Variants in CA10 observed in about 807,000 individuals in gnomAD.
The protein encoded by CA10 is carbonic anhydrase 10 (inactive).
A neutral mutation model predicts 44.2 loss-of-function variants in CA10; 14 were observed. The observed-to-expected ratio is 0.32, with a 90% CI of 0.21 to 0.50. CA10 has a LOEUF of 0.50. Among genes scored for constraint, CA10 ranks in the 20% least tolerant of loss-of-function variants. The pLI is 0.99. For missense variants in CA10, 350 were observed against 409.7 expected (o/e 0.85, Z 1.26); for synonymous variants, 159 against 141.6 (o/e 1.12, Z -0.87).
chr17:52,155,769 A>G (rs1198570910), intron 1 of CA10, among the ~76,000 whole-genome samples: 1 of 152,252 alleles, frequency 6.6e-6, no homozygotes, highest in Non-Finnish European at 1.5e-5. Flanking sequence ...AATTTTGCTT[A>G]CACTTTTATC....
chr17:52,030,926 A>C (rs1986446751), intron 2 of CA10, among the ~76,000 whole-genome samples: 1 of 152,024 alleles, frequency 6.6e-6, no homozygotes, highest in Admixed American at 6.6e-5. Flanking sequence ...TCAGTCTTGG[A>C]CTGAGCCACA....
chr17:51,659,221 C>G (rs1476293271), intron 4 of CA10, among the ~76,000 whole-genome samples: 1 of 152,170 alleles, frequency 6.6e-6, no homozygotes, highest in Non-Finnish European at 1.5e-5. Flanking sequence ...GGAGGATTCT[C>G]TCTTCCTTCA....
At chr17:51,747,091 T>A (rs1904715229) in intron 4 of CA10, among the ~76,000 whole-genome samples, 1 of 152,204 alleles carries the variant, frequency 6.6e-6, no homozygotes. Context: ...GTGGTTGGGC[T>A]CTCTGCTGTG....
intron 3 of CA10, among the ~76,000 whole-genome samples, chr17:51,831,733 A>AGCAGCAGCCGCCGCCGCCGCCGCCGCAGC (rs1567854687): frequency 1.6e-5 from 2 of 121,580 alleles, no homozygotes; most frequent in Admixed American, 1.6e-4. Context: ...GCAGCAGCAG[A>AGCAGCAGCCGCCGCCGCCGCCGCCGCAGC]AAAAGACCTT....
chr17:51,981,368 T>A (rs1315020164), intron 2 of CA10, among the ~76,000 whole-genome samples: 1 of 152,090 alleles, frequency 6.6e-6, no homozygotes. Flanking sequence ...GATTGACACA[T>A]GCAACATGCG....
At chr17:51,823,805 T>G (rs1412411191) in intron 3 of CA10, among the ~76,000 whole-genome samples, 1 of 152,214 alleles carries the variant, frequency 6.6e-6, no homozygotes, top group Non-Finnish European at 1.5e-5. Context: ...AACTTTTCTT[T>G]TTCTAGCTAG....
intron 3 of CA10, among the ~76,000 whole-genome samples, chr17:51,816,928 A>G (rs533278320): frequency 2.6e-5 from 4 of 152,310 alleles, no homozygotes; most frequent in African/African-American, 9.6e-5. Flanking sequence ...CCTTCCACCA[A>G]AGTCCTGTCA....
intron 3 of CA10, among the ~76,000 whole-genome samples, chr17:51,791,904 T>G (rs1906532148): frequency 1.3e-5 from 2 of 152,222 alleles, no homozygotes; most frequent in South Asian, 4.1e-4. Flanking sequence ...TTTTAGAACC[T>G]ATGTAATTCT....
intron 1 of CA10, among the ~76,000 whole-genome samples, chr17:52,131,112 T>A (rs1989229230): frequency 7.2e-6 from 1 of 139,160 alleles, no homozygotes; most frequent in Non-Finnish European, 1.6e-5. Flanking sequence ...ATTTTATTTT[T>A]TTTTAGACTA....
intron 1 of CA10, among the ~76,000 whole-genome samples, chr17:52,074,913 T>A (rs1417095774): frequency 1.3e-5 from 2 of 152,180 alleles, no homozygotes; most frequent in Non-Finnish European, 2.9e-5. Flanking sequence ...TTTGACATGT[T>A]AAAATTATAT....
intron 1 of CA10, among the ~76,000 whole-genome samples, chr17:52,128,224 C>T (rs903382876): frequency 8.5e-5 from 13 of 152,176 alleles, no homozygotes; most frequent in African/African-American, 3.1e-4. Flanking sequence ...TTGCTTTCTA[C>T]CTTTTATTAG....
chr17:51,950,633 A>G (rs1482883537), intron 2 of CA10, among the ~76,000 whole-genome samples: 2 of 151,984 alleles, frequency 1.3e-5, no homozygotes, highest in African/African-American at 4.8e-5. Flanking sequence ...ATAGTTCCCT[A>G]TTATTAGAAG....
intron 2 of CA10, among the ~76,000 whole-genome samples, chr17:52,006,552 C>G (rs919061923): frequency 1.3e-5 from 2 of 151,590 alleles, no homozygotes; most frequent in Non-Finnish European, 3.0e-5. Context: ...ATCAAGGTCC[C>G]AAAGCTGTTT....
intron 6 of CA10, among the ~76,000 whole-genome samples, chr17:51,638,058 G>T (rs975190425): frequency 3.9e-5 from 6 of 152,214 alleles, no homozygotes; most frequent in Non-Finnish European, 8.8e-5. Flanking sequence ...CCTTGGCAAA[G>T]ATGCCCTCTC....
intron 3 of CA10, among the ~76,000 whole-genome samples, chr17:51,766,779 T>C (rs1905401855): frequency 6.6e-6 from 1 of 152,208 alleles, no homozygotes; most frequent in Non-Finnish European, 1.5e-5. Context: ...CTCAAGTAAC[T>C]TGGGAAAATA....
intron 1 of CA10, among the ~76,000 whole-genome samples, chr17:52,127,234 T>G (rs1027325452): frequency 5.9e-5 from 9 of 152,206 alleles, no homozygotes; most frequent in Non-Finnish European, 1.2e-4. Flanking sequence ...AGCAAGTTTG[T>G]TTTTGACATA....
At chr17:51,782,685 T>C (rs905257475) in intron 3 of CA10, among the ~76,000 whole-genome samples, 1 of 152,166 alleles carries the variant, frequency 6.6e-6, no homozygotes, top group African/African-American at 2.4e-5. Context: ...CCAGTGTGTA[T>C]GATCTTGGCA....
At chr17:51,919,009 T>C (rs920176829) in intron 3 of CA10, among the ~76,000 whole-genome samples, 3 of 152,172 alleles carry the variant, frequency 2.0e-5, no homozygotes, top group Admixed American at 6.5e-5. Flanking sequence ...CTACGCTGCA[T>C]AGACTCCTCA....
rs973835213 is a variant in CA10, at chr17:52,158,223, G to T, written c.-437C>A. ...AAGACATAGACGATAGCCCCCCGCC[G>T]GGCTGCGCCGTGCAATTCCGGGCTC... On this transcript the variant is annotated 5_prime_UTR_variant, in exon 1 of 9. Transcript: ENST00000451037. 1.6e-5 allele frequency: 4 copies of T among 255,212 alleles called. No individual in the cohort carries two copies. Among genetic ancestry groups the T allele is most frequent in the Non-Finnish European group, 3.1e-5 (4 of 129,992 alleles). 15.8% of individuals were successfully genotyped at this position (255,212 alleles called of 1,614,324 possible).
Sources: gnomAD v4.1 joint callset for allele counts (sites outside exome capture counted in the v4.1 genomes callset) on GRCh38, gnomAD v4.1.1 for gene constraint, MANE v1.5 for transcripts, NCBI Gene and HGNC (gene_info 2026-07-23, HGNC 2026-07-21) for gene names.